ZNF676: variants seen among roughly 807,000 people sequenced by gnomAD.
The protein encoded by ZNF676 is zinc finger protein 676.
ZNF676 carries 4 observed loss-of-function variants against 6.0 expected under a neutral mutation model. That is an observed-to-expected ratio of 0.67 (90% CI 0.33 to 1.53). ZNF676 has a LOEUF of 1.53. Ranked by LOEUF, ZNF676 falls within the 40% of genes most tolerant of loss-of-function variation. The probability of loss-of-function intolerance (pLI) is 0.06; values close to 1 mark genes in which losing one functional copy is unlikely to be tolerated. For synonymous variants in ZNF676, 198 were observed against 223.1 expected, an observed-to-expected ratio of 0.89 and a Z score of 1.00; for missense variants, 644 against 679.7, an observed-to-expected ratio of 0.95 and a Z score of 0.58.
At chr19:22,259,432 A>G in the ZNF676 span, among the ~76,000 whole-genome samples, 4 of 152,132 alleles carry the variant, frequency 2.6e-5, no homozygotes, top group African/African-American at 9.7e-5. Flanking sequence ...ACCCAGGAAG[A>G]AAAAAAGTCT....
chr19:22,192,404 T>A (rs1425473523), intron 2 of ZNF676, among the ~76,000 whole-genome samples: 3 of 152,138 alleles, frequency 2.0e-5, no homozygotes, highest in Non-Finnish European at 4.4e-5. Flanking sequence ...CAGTAAACTC[T>A]GTCAATATTC....
At chr19:22,225,532 T>C in the ZNF676 span, among the ~76,000 whole-genome samples, 1 of 152,202 alleles carries the variant, frequency 6.6e-6, no homozygotes, top group Admixed American at 6.5e-5. Context: ...ATTTATAACA[T>C]TTTAAAATAA....
chr19:22,208,367 G>A lies in ZNF676; in HGVS notation c.3+7265C>T, dbSNP rs188267360. Among the ~76,000 whole-genome samples, 23 of 151,366 alleles carry A rather than the reference G, an allele frequency of 1.5e-4. No individual in the cohort carries two copies. The East Asian group carries it at 3.3e-3, about 22-fold the overall frequency. ...TATAAAAAAATGCTCATCACTAATCGTTAGAGAAATGCAAAAGAAAACCAC... is the reference window on the plus strand; with the variant it reads ...TATAAAAAAATGCTCATCACTAATCATTAGAGAAATGCAAAAGAAAACCAC... On this transcript the variant is annotated intron_variant, in intron 1 of 3. Transcript: ENST00000650058.
At chr19:22,213,436 T>TA (rs2024150933) in intron 1 of ZNF676, among the ~76,000 whole-genome samples, 1 of 152,190 alleles carries the variant, frequency 6.6e-6, no homozygotes, top group Admixed American at 6.5e-5. Flanking sequence ...AAGACAATAC[T>TA]AATACCTCAA....
chr19:22,241,438 A>G, the ZNF676 span, among the ~76,000 whole-genome samples: 11 of 151,944 alleles, frequency 7.2e-5, no homozygotes, highest in Admixed American at 5.2e-4. Context: ...TAACCAACCC[A>G]CCTATGGATC....
upstream of ZNF676, among the ~76,000 whole-genome samples, chr19:22,219,880 C>G (rs1189621053): frequency 6.6e-6 from 1 of 152,066 alleles, no homozygotes; most frequent in Admixed American, 6.6e-5. Flanking sequence ...ATCTCAAACT[C>G]CTGACCTCAA....
At chr19:22,259,908 T>C in the ZNF676 span, 1 of 152,150 alleles carries the variant, frequency 6.6e-6, no homozygotes, top group Non-Finnish European at 1.5e-5. Context: ...CACAGACATA[T>C]GTCACAAAGC....
At chr19:22,226,424 A>G in the ZNF676 span, among the ~76,000 whole-genome samples, 1 of 152,164 alleles carries the variant, frequency 6.6e-6, no homozygotes, top group East Asian at 1.9e-4. Context: ...CTGTTTAAAA[A>G]TCCTGTGCTA....
rs145776948 is a variant in ZNF676 at position 22,182,233 on chromosome 19, TGA to T, written c.131-649_131-648del. Among the ~76,000 whole-genome samples the T allele has an allele frequency of 5.3e-3, 803 of 152,174 alleles. 5 individuals are homozygous for T. Among genetic ancestry groups the T allele is most frequent in the African/African-American group, 0.018 (751 of 41,536 alleles). On this transcript the variant is annotated intron_variant, in intron 2 of 2. Coordinates refer to ENST00000397121, the MANE Select transcript of ZNF676 (RefSeq NM_001001411.3). ...CAGACAAGACAAACCTGAAGATGTT[TGA>T]GAGACCCACATAATCTCTAGCCAAG...
chr19:22,255,204 C>T, the ZNF676 span, among the ~76,000 whole-genome samples: 2 of 152,100 alleles, frequency 1.3e-5, no homozygotes, highest in African/African-American at 4.8e-5. Context: ...TGGACAAGAT[C>T]CATGTATGTG....
chr19:22,184,939 G>A (rs1285992177), intron 2 of ZNF676, among the ~76,000 whole-genome samples: 1 of 151,590 alleles, frequency 6.6e-6, no homozygotes, highest in Non-Finnish European at 1.5e-5. Flanking sequence ...TGGGAGCACA[G>A]CTTCAGCAGA....
the ZNF676 span, among the ~76,000 whole-genome samples, chr19:22,245,575 G>A: frequency 6.8e-6 from 1 of 148,134 alleles, no homozygotes; most frequent in East Asian, 2.0e-4. Flanking sequence ...TATGGTCAGG[G>A]ACATGTCACA....
upstream of ZNF676, among the ~76,000 whole-genome samples, chr19:22,216,551 ACT>A (rs1352032396): frequency 6.6e-6 from 1 of 152,040 alleles, no homozygotes; most frequent in Admixed American, 6.6e-5. Flanking sequence ...ATTTTTGAAC[ACT>A]CTAGATGTTC....
chr19:22,221,613 T>A, the ZNF676 span, among the ~76,000 whole-genome samples: 2 of 152,046 alleles, frequency 1.3e-5, no homozygotes, highest in Admixed American at 6.6e-5. Flanking sequence ...TAGGCAGGCA[T>A]GGTGGCACGT....
At chr19:22,240,663 G>A in the ZNF676 span, among the ~76,000 whole-genome samples, 11 of 152,038 alleles carry the variant, frequency 7.2e-5, no homozygotes, top group African/African-American at 2.7e-4. Flanking sequence ...TGTGGTGGCA[G>A]GCTTCTGTAG....
intron 1 of ZNF676, among the ~76,000 whole-genome samples, chr19:22,215,317 C>G (rs1321163001): frequency 6.6e-6 from 1 of 152,110 alleles, no homozygotes; most frequent in Non-Finnish European, 1.5e-5. Flanking sequence ...TTCATGAACC[C>G]ACACCTCAAG....
intron 1 of ZNF676, among the ~76,000 whole-genome samples, chr19:22,204,938 T>C (rs2024061968): frequency 6.6e-6 from 1 of 152,190 alleles, no homozygotes; most frequent in Non-Finnish European, 1.5e-5. Context: ...AAACCTTTTT[T>C]TAAAAATCAG....
chr19:22,206,001 T>TA lies in ZNF676; in HGVS notation c.4-9276dup, dbSNP rs533262492. Among the ~76,000 whole-genome samples the TA allele has an allele frequency of 3.2e-3, 459 of 141,444 alleles. 4 individuals carry two copies. The highest frequency in any genetic ancestry group is 9.9e-3 in the African/African-American group (384 of 38,888). 92.8% of individuals were successfully genotyped at this position (141,444 alleles called of 152,430 possible). A position where few individuals can be genotyped will look rare whatever the true frequency, so the allele number is the denominator to read the frequency against. ...AATATACTGAAGTCTGCTATGCACA[T>TA]AAAAAAAAAACTAGAATAAAAAAAT... On this transcript the variant is annotated intron_variant, in intron 1 of 3. Coordinates refer to the ZNF676 transcript ENST00000650058.
the ZNF676 span, among the ~76,000 whole-genome samples, chr19:22,237,616 T>G: frequency 5.3e-5 from 8 of 152,138 alleles, no homozygotes; most frequent in South Asian, 4.1e-4. Context: ...CCTGGCAACT[T>G]TCTCAGGGGA....
Sources: allele counts gnomAD v4.1 joint callset (sites outside exome capture counted in the v4.1 genomes callset), GRCh38; gene constraint gnomAD v4.1.1; transcripts MANE v1.5; gene names NCBI Gene and HGNC (gene_info 2026-07-23, HGNC 2026-07-21).